Variants in WWOX observed in about 807,000 individuals in gnomAD.
The protein encoded by WWOX is WW domain containing oxidoreductase.
WWOX carries 69 observed loss-of-function variants against 46.2 expected under a neutral mutation model. The ratio of observed to expected loss-of-function variants is 1.49; its 90% CI spans 1.23 to 1.82. The LOEUF (loss-of-function observed/expected upper bound fraction) is 1.82. Ranked by LOEUF, WWOX falls within the 40% of genes most tolerant of loss-of-function variation. WWOX has a pLI of 0.00. For synonymous variants in WWOX, 359 were observed against 202.6 expected (o/e 1.77, Z -6.56); for missense variants, 919 against 542.6 (o/e 1.69, Z -6.89).
intron 8 of WWOX, among the ~76,000 whole-genome samples, chr16:78,606,457 GAAA>G (rs367647334): frequency 5.4e-5 from 8 of 146,820 alleles, no homozygotes; most frequent in Middle Eastern, 3.4e-3. Flanking sequence ...AAGAAAGAAA[GAAA>G]AAAAAAAGGG....
chr16:78,840,084 G>A (rs1173030926), intron 8 of WWOX, among the ~76,000 whole-genome samples: 1 of 152,188 alleles, frequency 6.6e-6, no homozygotes, highest in Admixed American at 6.5e-5. Context: ...ATGAGAACAT[G>A]CTTTGCACAA....
intron 8 of WWOX, among the ~76,000 whole-genome samples, chr16:78,931,107 T>A (rs2045615110): frequency 6.6e-6 from 1 of 152,140 alleles, no homozygotes; most frequent in Admixed American, 6.5e-5. Flanking sequence ...TTAATAGATT[T>A]TAGTGAAAGC....
chr16:78,740,261 C>T (rs1049071861), intron 8 of WWOX, among the ~76,000 whole-genome samples: 7 of 152,176 alleles, frequency 4.6e-5, no homozygotes, highest in African/African-American at 1.2e-4. Context: ...AATGCTGATG[C>T]GACTCAGACG....
chr16:79,211,997 G>C lies in WWOX; in HGVS notation c.*201G>C. 7 of 1,498,782 alleles carry C rather than the reference G, an allele frequency of 4.7e-6. No homozygotes were observed. Among genetic ancestry groups the C allele is most frequent in the African/African-American group, 1.4e-5 (1 of 72,856 alleles). The allele number at this position is 1,498,782 out of a possible 1,614,324, so 92.8% of individuals were successfully genotyped here. ...CTGGGGTAAAGTATCACTTTTCTGG[G>C]GCTGGGCTAGGCATAGGTCTCTTTG... On this transcript the variant is annotated 3_prime_UTR_variant, in exon 9 of 9. Coordinates refer to ENST00000566780, the MANE Select transcript of WWOX (RefSeq NM_016373.4).
intron 8 of WWOX, among the ~76,000 whole-genome samples, chr16:78,985,525 T>C (rs184629167): frequency 5.1e-4 from 78 of 152,244 alleles, no homozygotes; most frequent in African/African-American, 1.8e-3. Context: ...TCCCAGAACG[T>C]TGGGAGGCCA....
chr16:78,522,991 G>C (rs999107706), intron 8 of WWOX, among the ~76,000 whole-genome samples: 25 of 152,340 alleles, frequency 1.6e-4, no homozygotes, highest in Admixed American at 1.6e-3. Context: ...AGAATTGTTT[G>C]AAGCTGGGAG....
At chr16:78,582,845 A>G (rs185511486) in intron 8 of WWOX, among the ~76,000 whole-genome samples, 1 of 152,304 alleles carries the variant, frequency 6.6e-6, no homozygotes, top group African/African-American at 2.4e-5. Context: ...TATGTCAGTT[A>G]CAAGAGGCCC....
intron 5 of WWOX, among the ~76,000 whole-genome samples, chr16:78,184,949 T>A (rs1438179121): frequency 6.6e-6 from 1 of 152,180 alleles, no homozygotes. Flanking sequence ...TCATCATGAG[T>A]TGCTTGGAGG....
At chr16:79,028,560 C>A (rs891874251) in intron 8 of WWOX, among the ~76,000 whole-genome samples, 3 of 151,288 alleles carry the variant, frequency 2.0e-5, no homozygotes, top group Non-Finnish European at 4.4e-5. Flanking sequence ...TTCTTCCCTC[C>A]TCTCTCCTTC....
chr16:78,934,787 A>G (rs533494630), intron 8 of WWOX, among the ~76,000 whole-genome samples: 8 of 152,282 alleles, frequency 5.3e-5, no homozygotes, highest in Non-Finnish European at 1.0e-4. Context: ...ATGCAGGCCT[A>G]TAGAGAGCAG....
chr16:78,529,838 G>A (rs2043577948), intron 8 of WWOX, among the ~76,000 whole-genome samples: 1 of 152,200 alleles, frequency 6.6e-6, no homozygotes, highest in Admixed American at 6.5e-5. Flanking sequence ...CTTACATATA[G>A]TTCTCTCTGT....
At chr16:79,104,422 T>C (rs2049266681) in intron 8 of WWOX, among the ~76,000 whole-genome samples, 1 of 152,214 alleles carries the variant, frequency 6.6e-6, no homozygotes, top group Non-Finnish European at 1.5e-5. Flanking sequence ...CATTTTGCTA[T>C]AATGGCTTTA....
At chr16:78,463,312 G>C (rs1460541464) in intron 8 of WWOX, among the ~76,000 whole-genome samples, 1 of 152,198 alleles carries the variant, frequency 6.6e-6, no homozygotes, top group Non-Finnish European at 1.5e-5. Flanking sequence ...AAAAGCAATA[G>C]AAGAAATTCT....
intron 5 of WWOX, among the ~76,000 whole-genome samples, chr16:78,176,533 A>T (rs1364227045): frequency 1.3e-5 from 2 of 152,222 alleles, no homozygotes; most frequent in Non-Finnish European, 2.9e-5. Context: ...TAAACCGGGT[A>T]GCTGGGAGAA....
chr16:78,755,830 A>AGG (rs1363918968), intron 8 of WWOX, among the ~76,000 whole-genome samples: 1 of 152,222 alleles, frequency 6.6e-6, no homozygotes, highest in East Asian at 1.9e-4. Context: ...CTTTGGGTCT[A>AGG]CAAGTAACCA....
intron 8 of WWOX, among the ~76,000 whole-genome samples, chr16:78,544,743 T>C (rs901133114): frequency 2.0e-5 from 3 of 151,772 alleles, no homozygotes; most frequent in African/African-American, 7.3e-5. Context: ...GGTATGGTTG[T>C]GCACTCCTGT....
Position 78,099,837 on chromosome 16 carries a change from C to A in WWOX, c.59C>A (p.Pro20Gln). 2 of 1,581,882 alleles carry A rather than the reference C, an allele frequency of 1.3e-6. No individual in the cohort carries two copies. Among genetic ancestry groups the A allele is most frequent in the Non-Finnish European group, 1.7e-6 (2 of 1,164,998 alleles). The change falls in exon 1 of 9, where the codon CCG (proline) becomes CAG (glutamine). Residue 20 changes from proline (P) to glutamine (Q), a missense_variant. By Grantham distance (76) the Pro-to-Gln change is moderately conservative. Transcript: ENST00000566780. ...DDTDSEDELPPGWEERTTKDG... is the reference protein window; with the variant it reads ...DDTDSEDELPQGWEERTTKDG... Reference sequence around the variant, plus strand: ...ACGGACAGTGAGGACGAGCTGCCTCCGGGCTGGGAGGAGAGAACCACCAAG... The same window carrying A: ...ACGGACAGTGAGGACGAGCTGCCTCAGGGCTGGGAGGAGAGAACCACCAAG...
At chr16:79,123,419 G>A (rs186421643) in intron 8 of WWOX, among the ~76,000 whole-genome samples, 36 of 152,280 alleles carry the variant, frequency 2.4e-4, no homozygotes, top group African/African-American at 6.3e-4. Flanking sequence ...GGAAATGAGG[G>A]CAGCTGGGGA....
intron 8 of WWOX, among the ~76,000 whole-genome samples, chr16:78,939,385 T>A (rs369610030): frequency 3.9e-5 from 6 of 152,326 alleles, no homozygotes; most frequent in African/African-American, 1.4e-4. Flanking sequence ...TTTTAGAATT[T>A]TCTTTTTGTG....
Sources: gnomAD v4.1 joint callset for allele counts (sites outside exome capture counted in the v4.1 genomes callset) on GRCh38, gnomAD v4.1.1 for gene constraint, MANE v1.5 for transcripts, NCBI Gene and HGNC (gene_info 2026-07-23, HGNC 2026-07-21) for gene names.